The following PPARGC1A variants were observed in gnomAD, a reference collection of about 807,000 sequenced individuals.
PPARGC1A encodes PPARG coactivator 1 alpha.
PPARGC1A carries 25 observed loss-of-function variants against 88.7 expected under a neutral mutation model. The ratio of observed to expected loss-of-function variants is 0.28; its 90% CI spans 0.21 to 0.39. PPARGC1A has a LOEUF of 0.39. PPARGC1A is among the 10% of genes least tolerant of loss of function. The pLI is 1.00. For missense variants in PPARGC1A, 880 were observed against 968.7 expected (o/e 0.91, Z 1.22); for synonymous variants, 363 against 355.6 (o/e 1.02, Z -0.24).
At chr4:24,165,069 ACT>A in the PPARGC1A span, among the ~76,000 whole-genome samples, 1 of 152,156 alleles carries the variant, frequency 6.6e-6, no homozygotes, top group Non-Finnish European at 1.5e-5. Context: ...CTCCTTTATA[ACT>A]CTCTCAAAAT....
At chr4:24,423,548 G>A in the PPARGC1A span, among the ~76,000 whole-genome samples, 1 of 151,984 alleles carries the variant, frequency 6.6e-6, no homozygotes, top group Admixed American at 6.6e-5. Flanking sequence ...TGTGTTGGGG[G>A]GCTGGGGGGG....
rs781586867 is a variant in PPARGC1A, at chr4:23,795,905, C to G, written c.2314G>C (p.Asp772His). ...TACTTGCTCTTGGTGGAAGCAGGGT[C>G]AAAGTCATCTGAGTTTGAATCTGAA... The part of the protein sequence containing the change: ...ADLDSNSDDF[D>H]PASTKSKYDS... Residue 772 changes from aspartate to histidine, a missense_variant, in exon 13 of 13, where the codon GAC (aspartate) becomes CAC (histidine). By Grantham distance (81) the Asp-to-His change is moderately conservative. Transcript: ENST00000264867. 2 of 1,610,906 alleles carry G rather than the reference C, an allele frequency of 1.2e-6. No individual in the cohort carries two copies. Among genetic ancestry groups the G allele is most frequent in the Non-Finnish European group, 1.7e-6 (2 of 1,178,700 alleles).
At chr4:24,263,227 C>A in the PPARGC1A span, among the ~76,000 whole-genome samples, 1 of 152,144 alleles carries the variant, frequency 6.6e-6, no homozygotes, top group East Asian at 1.9e-4. Context: ...TGGGGAGACA[C>A]CCTGTAAGCA....
chr4:24,154,055 C>T, the PPARGC1A span, among the ~76,000 whole-genome samples: 1 of 152,156 alleles, frequency 6.6e-6, no homozygotes, highest in Non-Finnish European at 1.5e-5. Flanking sequence ...AACCCAAACC[C>T]ACTTTTCCCA....
At chr4:23,880,852 G>C (rs1207987912) in intron 2 of PPARGC1A, 1 of 152,116 alleles carries the variant, frequency 6.6e-6, no homozygotes, top group Non-Finnish European at 1.5e-5. Context: ...TCCTCAGAAC[G>C]TATTACAAGT....
At chr4:24,072,236 A>G in the PPARGC1A span, among the ~76,000 whole-genome samples, 1 of 150,564 alleles carries the variant, frequency 6.6e-6, no homozygotes, top group African/African-American at 2.4e-5. Context: ...TTTTATATAC[A>G]TATATAAGCA....
At chr4:24,040,574 G>A in the PPARGC1A span, among the ~76,000 whole-genome samples, 1 of 152,252 alleles carries the variant, frequency 6.6e-6, no homozygotes, top group Admixed American at 6.5e-5. Flanking sequence ...AGCTTTTTAA[G>A]AGTACATTAG....
chr4:24,434,716 G>A, the PPARGC1A span, among the ~76,000 whole-genome samples: 4 of 152,164 alleles, frequency 2.6e-5, no homozygotes, highest in Non-Finnish European at 4.4e-5. Context: ...GTTCATAAAC[G>A]CAGATTGCCC....
At chr4:24,276,320 A>G in the PPARGC1A span, among the ~76,000 whole-genome samples, 1 of 152,196 alleles carries the variant, frequency 6.6e-6, no homozygotes, top group South Asian at 2.1e-4. Flanking sequence ...AGGTCCTGTA[A>G]GTCCACATGC....
chr4:24,289,219 CAAAAA>C, the PPARGC1A span, among the ~76,000 whole-genome samples: 6 of 82,772 alleles, frequency 7.2e-5, no homozygotes, highest in Non-Finnish European at 1.0e-4. Flanking sequence ...GACTCCGTCT[CAAAAA>C]AAAAAAAAAA....
intron 1 of PPARGC1A, among the ~76,000 whole-genome samples, chr4:23,895,935 GATGTGTGTGTGTGT>G (rs1718514209): frequency 8.6e-6 from 1 of 116,846 alleles, no homozygotes; most frequent in Non-Finnish European, 1.8e-5. Context: ...AAATTATAGA[GATGTGTGTGTGTGT>G]GTGTGTGTGT....
At chr4:24,305,995 TC>T in the PPARGC1A span, among the ~76,000 whole-genome samples, 1 of 152,088 alleles carries the variant, frequency 6.6e-6, no homozygotes, top group Non-Finnish European at 1.5e-5. Context: ...TGTACCCTCA[TC>T]CTATGGAAGA....
the PPARGC1A span, among the ~76,000 whole-genome samples, chr4:24,130,954 C>A: frequency 6.6e-6 from 1 of 152,306 alleles, no homozygotes; most frequent in Non-Finnish European, 1.5e-5. Flanking sequence ...CTGTGCCCAG[C>A]AAAACCTGCT....
chr4:24,444,290 TCCAAAGTGCTGGGATTACAGGTGTGAG>T, the PPARGC1A span, among the ~76,000 whole-genome samples: 4 of 151,692 alleles, frequency 2.6e-5, no homozygotes, highest in South Asian at 2.1e-4. Context: ...CCATCGGCCT[TCCAAAGTGCTGGGATTACAGGTGTGAG>T]CCACTGCACC....
At chr4:24,376,912 T>C in the PPARGC1A span, among the ~76,000 whole-genome samples, 1 of 152,160 alleles carries the variant, frequency 6.6e-6, no homozygotes, top group East Asian at 1.9e-4. Flanking sequence ...TGATTTTAAT[T>C]CTCTGCAAGT....
the PPARGC1A span, among the ~76,000 whole-genome samples, chr4:24,050,925 C>T: frequency 3.3e-5 from 5 of 152,212 alleles, no homozygotes; most frequent in East Asian, 1.9e-4. Flanking sequence ...CAGTGGCTCA[C>T]GCCTGTAATC....
chr4:24,126,136 G>C, the PPARGC1A span, among the ~76,000 whole-genome samples: 1 of 152,136 alleles, frequency 6.6e-6, no homozygotes, highest in African/African-American at 2.4e-5. Flanking sequence ...ATCAGATTCA[G>C]ATCCAGATCT....
intron 2 of PPARGC1A, among the ~76,000 whole-genome samples, chr4:23,856,471 T>C (rs770461926): frequency 1.3e-5 from 2 of 152,170 alleles, no homozygotes; most frequent in Non-Finnish European, 2.9e-5. Flanking sequence ...AGAAGTCACA[T>C]TGTGATTGCT....
the PPARGC1A span, among the ~76,000 whole-genome samples, chr4:23,934,750 C>T: frequency 6.6e-6 from 1 of 152,176 alleles, no homozygotes; most frequent in African/African-American, 2.4e-5. Flanking sequence ...TACTATTAGT[C>T]TCAATTTATT....
Sources: gnomAD v4.1 joint callset for allele counts (sites outside exome capture counted in the v4.1 genomes callset) on GRCh38, gnomAD v4.1.1 for gene constraint, MANE v1.5 for transcripts, NCBI Gene and HGNC (gene_info 2026-07-23, HGNC 2026-07-21) for gene names.